Variants in LARGE1 observed in about 807,000 individuals in gnomAD.
LARGE1 encodes xylosyl- and glucuronyltransferase LARGE1.
LARGE1 carries 43 observed loss-of-function variants against 87.6 expected under a neutral mutation model. That is an observed-to-expected ratio of 0.49 (90% confidence interval 0.38 to 0.63). The LOEUF (loss-of-function observed/expected upper bound fraction) is 0.63, where lower values mean the gene tolerates loss of function less well. Among genes scored for constraint, LARGE1 ranks in the 30% least tolerant of loss-of-function variants. LARGE1 has a pLI of 0.00. For missense variants in LARGE1, 802 were observed against 1,000.2 expected, an observed-to-expected ratio of 0.80 and a Z score of 2.67; for synonymous variants, 434 against 394.6, an observed-to-expected ratio of 1.10 and a Z score of -1.18.
At chr22:33,448,566 T>A (rs1189381152) in intron 6 of LARGE1, among the ~76,000 whole-genome samples, 1 of 152,180 alleles carries the variant, frequency 6.6e-6, no homozygotes, top group Non-Finnish European at 1.5e-5. Flanking sequence ...TGGTCTTGCT[T>A]GTCCCCTCTG....
At chr22:33,417,740 C>A (rs746304819) in intron 7 of LARGE1, among the ~76,000 whole-genome samples, 3 of 152,216 alleles carry the variant, frequency 2.0e-5, no homozygotes, top group Non-Finnish European at 4.4e-5. Context: ...AGGTTGTTGG[C>A]AGAATTCAGT....
chr22:33,674,102 C>T (rs1024503539), intron 2 of LARGE1, among the ~76,000 whole-genome samples: 1 of 152,038 alleles, frequency 6.6e-6, no homozygotes, highest in Admixed American at 6.5e-5. Context: ...AGCCACTGCA[C>T]CCCGCTAATT....
At chr22:33,791,159 A>G (rs1055948139) in intron 1 of LARGE1, among the ~76,000 whole-genome samples, 1 of 152,218 alleles carries the variant, frequency 6.6e-6, no homozygotes, top group East Asian at 1.9e-4. Flanking sequence ...AGCGAGATAA[A>G]TCATTAAAAT....
intron 1 of LARGE1, among the ~76,000 whole-genome samples, chr22:33,844,010 C>T (rs536630445): frequency 1.3e-5 from 2 of 149,320 alleles, no homozygotes; most frequent in East Asian, 2.0e-4. Context: ...ACCCGGGAGG[C>T]GGAGGTTGCA....
chr22:33,464,046 C>T (rs902812438), intron 6 of LARGE1, among the ~76,000 whole-genome samples: 3 of 152,120 alleles, frequency 2.0e-5, no homozygotes, highest in Non-Finnish European at 4.4e-5. Flanking sequence ...ACTAGCACTA[C>T]TAGCTATCAG....
the LARGE1 span, among the ~76,000 whole-genome samples, chr22:33,102,473 CCCTT>C: frequency 3.2e-4 from 49 of 151,318 alleles, no homozygotes; most frequent in Admixed American, 7.3e-4. Flanking sequence ...ACCTGGGCCC[CCCTT>C]CCTTCCTTCC....
At chr22:33,752,932 A>C (rs1182317262) in intron 2 of LARGE1, among the ~76,000 whole-genome samples, 2 of 152,222 alleles carry the variant, frequency 1.3e-5, no homozygotes, top group Non-Finnish European at 2.9e-5. Flanking sequence ...ATATAATTAC[A>C]AGGGTCTGGC....
In LARGE1 at chr22:33,695,092, TTTTC is replaced by T. The variant is rs1220881834; in HGVS notation, c.107-44428_107-44425del. 3.1e-3 allele frequency among the ~76,000 whole-genome samples: 454 copies of T among 148,478 alleles called. 1 individual carries two copies. Among genetic ancestry groups the T allele is most frequent in the African/African-American group, 0.01 (411 of 40,198 alleles). On this transcript the variant is annotated intron_variant, in intron 2 of 14. Coordinates refer to ENST00000397394, the MANE Select transcript of LARGE1 (RefSeq NM_133642.5). Reference sequence around the variant, plus strand: ...CAATGATCAGATAGCTGCAGTAATTTTTTCTTTCTTTCTTTCTTTTTTTTTTTTT... The same window carrying T: ...CAATGATCAGATAGCTGCAGTAATTTTTTCTTTCTTTCTTTTTTTTTTTTT...
chr22:33,135,398 C>G, the LARGE1 span, among the ~76,000 whole-genome samples: 2 of 152,018 alleles, frequency 1.3e-5, no homozygotes, highest in Non-Finnish European at 2.9e-5. Context: ...GATAAAAGAC[C>G]GAGATCCTTG....
intron 7 of LARGE1, among the ~76,000 whole-genome samples, chr22:33,399,142 G>A (rs922550109): frequency 1.9e-4 from 27 of 139,878 alleles, no homozygotes; most frequent in Non-Finnish European, 3.7e-4. Flanking sequence ...GCTTCCCCCC[G>A]CCCCGACCAA....
chr22:33,797,398 T>TA (rs2086020285), intron 1 of LARGE1, among the ~76,000 whole-genome samples: 1 of 152,082 alleles, frequency 6.6e-6, no homozygotes, highest in Admixed American at 6.5e-5. Flanking sequence ...TCTGGGGAGG[T>TA]ATCCCACCAT....
At chr22:33,548,753 C>G (rs766286713) in intron 6 of LARGE1, among the ~76,000 whole-genome samples, 14 of 152,206 alleles carry the variant, frequency 9.2e-5, no homozygotes, top group Non-Finnish European at 2.1e-4. Flanking sequence ...CAGACTAATA[C>G]AGGCTCCCTT....
chr22:33,385,527 C>CAAA (rs75780176), intron 7 of LARGE1, among the ~76,000 whole-genome samples: 2 of 19,444 alleles, frequency 1.0e-4, no homozygotes, highest in East Asian at 2.5e-3. Flanking sequence ...GACACCGTCT[C>CAAA]AAAAAAAAAA....
intron 3 of LARGE1, among the ~76,000 whole-genome samples, chr22:33,641,466 C>T (rs1163855905): frequency 6.6e-6 from 1 of 152,030 alleles, no homozygotes; most frequent in Non-Finnish European, 1.5e-5. Context: ...AACCAGAATG[C>T]CTCTTCTCCC....
At chr22:33,480,674 T>C (rs758144461) in intron 6 of LARGE1, among the ~76,000 whole-genome samples, 1 of 152,204 alleles carries the variant, frequency 6.6e-6, no homozygotes, top group Admixed American at 6.5e-5. Context: ...AAAAAATTCC[T>C]TTCATAAAAT....
At chr22:33,785,061 A>T (rs1449977998) in intron 1 of LARGE1, among the ~76,000 whole-genome samples, 2 of 143,210 alleles carry the variant, frequency 1.4e-5, no homozygotes, top group Admixed American at 6.9e-5. Context: ...ACATGTGTAT[A>T]TAGATATATG....
At chr22:33,652,446 G>A (rs1230029439) in intron 2 of LARGE1, among the ~76,000 whole-genome samples, 1 of 152,074 alleles carries the variant, frequency 6.6e-6, no homozygotes, top group Non-Finnish European at 1.5e-5. Context: ...CTCAAGGCAT[G>A]CTTACTGTTC....
chr22:33,398,809 G>T (rs1300468011), intron 7 of LARGE1, among the ~76,000 whole-genome samples: 1 of 152,106 alleles, frequency 6.6e-6, no homozygotes, highest in Non-Finnish European at 1.5e-5. Flanking sequence ...GGCCGACAGA[G>T]GCAGGGGTTG....
At chr22:33,104,802 C>T in the LARGE1 span, among the ~76,000 whole-genome samples, 555 of 152,288 alleles carry the variant, frequency 3.6e-3, 4 homozygotes, top group African/African-American at 0.013. Context: ...AGGCTCCTTC[C>T]CTACAGTTCC....
Sources: allele counts gnomAD v4.1 joint callset (sites outside exome capture counted in the v4.1 genomes callset), GRCh38; gene constraint gnomAD v4.1.1; transcripts MANE v1.5; gene names NCBI Gene and HGNC (gene_info 2026-07-23, HGNC 2026-07-21).